Variants in SIGLEC11 observed in about 807,000 individuals in gnomAD.
SIGLEC11 encodes sialic acid binding Ig like lectin 11, also known as sialic acid-binding Ig-like lectin 11.
A neutral mutation model predicts 61.2 loss-of-function variants in SIGLEC11; 47 were observed. That is an observed-to-expected ratio of 0.77 (90% confidence interval 0.61 to 0.98). The LOEUF is 0.98. Among genes scored for constraint, SIGLEC11 ranks in the 50% least tolerant of loss-of-function variants. The pLI is 0.00. For missense variants in SIGLEC11, 610 were observed against 870.3 expected, an observed-to-expected ratio of 0.70 and a Z score of 3.76; for synonymous variants, 278 against 373.1, an observed-to-expected ratio of 0.75 and a Z score of 2.94.
In SIGLEC11 at chr19:49,949,634, G is replaced by C. The variant is rs1445495754; in HGVS notation, c.*336C>G. On this transcript the variant is annotated 3_prime_UTR_variant, in exon 11 of 11. Transcript: ENST00000447370. ...AGGCGGGCAGATTGCTTGAGCCCAG[G>C]AGTCTGAGACCAGCCAGGGAAACAT... The C allele has an allele frequency of 5.9e-6, 1 of 168,468 alleles. No homozygotes were observed. Among genetic ancestry groups the C allele is most frequent in the Non-Finnish European group, 1.3e-5 (1 of 79,168 alleles). The allele number at this position is 168,468 out of a possible 1,614,324, so 10.4% of individuals were successfully genotyped here. A position where few individuals can be genotyped will look rare whatever the true frequency, so the allele number is the denominator to read the frequency against.
In SIGLEC11 at chr19:49,955,940, A is replaced by C. The variant is rs1278975989; in HGVS notation, c.1651+2343T>G. On this transcript the variant is annotated intron_variant, in intron 8 of 10. Transcript: ENST00000447370. This position sits in a 1 kb window ranked among gnomAD's most constrained non-coding sequence, Gnocchi z 4.5. ...ACAGAGCGAGACTCCGTCTCAAAAA[A>C]AAAAAAAAAAAGAACTTGTACTTAT... Among the ~76,000 whole-genome samples the C allele has an allele frequency of 6.6e-6, 1 of 151,860 alleles. No individual in the cohort carries two copies. The highest frequency in any genetic ancestry group is 2.4e-5 in the African/African-American group (1 of 41,330).
rs758535718 is a variant in SIGLEC11, at chr19:49,958,533, C to T, written c.1401G>A (p.Glu467=). 2.8e-5 allele frequency: 45 copies of T among 1,590,594 alleles called. No individual in the cohort carries two copies. In the Admixed American group the frequency reaches 4.3e-4, roughly 15 times the overall value. ...PQLLGPSCSW[E]AEGLHCSCSS... ...AGCAGCTGCAGTGCAGACCCTCAGC[C>T]TCCCAGGAGCAGGAGGGGCCCAGCA... Residue 467 remains glutamate, a synonymous_variant, in exon 8 of 11, where the codon GAG becomes GAA. Transcript: ENST00000447370.
chr19:49,953,272 C>G (rs1418799309), intron 8 of SIGLEC11, among the ~76,000 whole-genome samples: 1 of 152,154 alleles, frequency 6.6e-6, no homozygotes, highest in Admixed American at 6.5e-5. Flanking sequence ...ACGTCAGGAA[C>G]CACAGTAACC....
At position 49,950,249 on chromosome 19, in the gene SIGLEC11, G is replaced by T. The variant is rs1379009785; in HGVS notation, c.1831-13C>A. ...CATGCTGGTGACCCTGAATGCAGGG[G>T]AGAAAGGGGGTCAAATTAGGGTCAT... is the stretch of plus-strand genomic sequence containing the variant. On this transcript the variant is annotated splice_polypyrimidine_tract_variant and intron_variant, in intron 10 of 10. Coordinates refer to ENST00000447370, the MANE Select transcript of SIGLEC11 (RefSeq NM_052884.3). 1 of 1,548,940 alleles carries T rather than the reference G, an allele frequency of 6.5e-7. No individual in the cohort carries two copies. The highest frequency in any genetic ancestry group is 8.7e-7 in the Non-Finnish European group (1 of 1,149,228).
intron 8 of SIGLEC11, among the ~76,000 whole-genome samples, chr19:49,954,456 T>C (rs2122890092): frequency 6.6e-6 from 1 of 152,206 alleles, no homozygotes; most frequent in African/African-American, 2.4e-5. Flanking sequence ...GCTATGCAAA[T>C]GCCTGCTCGA....
chr19:49,958,696 T>C lies in SIGLEC11; in HGVS notation c.1310A>G (p.His437Arg). The change falls in exon 7 of 11, where the codon CAC becomes CGC. Residue 437 changes from histidine (H) to arginine (R), a missense_variant. Transcript: ENST00000447370. ...CTGGGAGCCCAGAGGGTGCTGAGCGTGGCAGGTGAACTCTCCTTCGTGCTC... is the reference window on the plus strand; with the variant it reads ...CTGGGAGCCCAGAGGGTGCTGAGCGCGGCAGGTGAACTCTCCTTCGTGCTC... ...QMEHEGEFTC[H>R]AQHPLGSQHV... The C allele has an allele frequency of 1.9e-6, 3 of 1,612,070 alleles. No homozygotes were observed. Among genetic ancestry groups the C allele is most frequent in the Non-Finnish European group, 2.5e-6 (3 of 1,178,802 alleles).
At chr19:49,957,243 C>G (rs942441058) in intron 8 of SIGLEC11, among the ~76,000 whole-genome samples, 1 of 152,166 alleles carries the variant, frequency 6.6e-6, no homozygotes, top group African/African-American at 2.4e-5. Context: ...AAAAAAGTGT[C>G]TCTTCATGCA....
In SIGLEC11 at chr19:49,955,236, C is replaced by T. The variant is rs2076187374; in HGVS notation, c.1652-2842G>A. On this transcript the variant is annotated intron_variant, in intron 8 of 10. Transcript: ENST00000447370. The surrounding 1 kb of genome is among the most constrained non-coding windows in gnomAD (Gnocchi z 4.5). Reference sequence around the variant, plus strand: ...GCGAGGCACCAAGCAGCTAGGCACACCAAGGGTTTAGTCCCTCTCCTCAGC... The same window carrying T: ...GCGAGGCACCAAGCAGCTAGGCACATCAAGGGTTTAGTCCCTCTCCTCAGC... Among the ~76,000 whole-genome samples, 1 of 150,694 alleles carries T rather than the reference C, an allele frequency of 6.6e-6. No individual in the cohort carries two copies. The highest frequency in any genetic ancestry group is 1.5e-5 in the Non-Finnish European group (1 of 67,852).
At chr19:49,960,531 G>A (rs755621849) in intron 2 of SIGLEC11, 21 bp downstream of exon 2, 1 of 1,595,484 alleles carries the variant, frequency 6.3e-7, no homozygotes, top group Non-Finnish European at 8.5e-7. Flanking sequence ...GACAGGCAGG[G>A]GTTCCCACCC....
chr19:49,957,675 G>A (rs1048308397), intron 8 of SIGLEC11, among the ~76,000 whole-genome samples: 6 of 152,134 alleles, frequency 3.9e-5, no homozygotes, highest in African/African-American at 7.2e-5. Flanking sequence ...ATAATTAACC[G>A]CTTTTGTTTT....
At chr19:49,956,269 GT>G (rs772406732) in intron 8 of SIGLEC11, among the ~76,000 whole-genome samples, 29 of 152,300 alleles carry the variant, frequency 1.9e-4, no homozygotes, top group Admixed American at 5.9e-4. Flanking sequence ...TACAAACCCA[GT>G]AAAAGAACTA....
chr19:49,957,694 A>T (rs2076206973), intron 8 of SIGLEC11, among the ~76,000 whole-genome samples: 1 of 152,218 alleles, frequency 6.6e-6, no homozygotes. Flanking sequence ...TTACTTTTGT[A>T]AGTCCGCTTA....
intron 8 of SIGLEC11, among the ~76,000 whole-genome samples, chr19:49,953,694 T>G (rs528169022): frequency 6.6e-6 from 1 of 152,210 alleles, no homozygotes; most frequent in South Asian, 2.1e-4. Flanking sequence ...GCCCTACAGC[T>G]CAGAGTTGTA....
At chr19:49,958,921 A>G (rs1350386509) in intron 6 of SIGLEC11, 21 bp from the exon 7 acceptor site, 14 of 1,604,614 alleles carry the variant, frequency 8.7e-6, no homozygotes, top group Non-Finnish European at 9.4e-6. Flanking sequence ...AAGAGGCAGA[A>G]TCGACGTGCA....
Position 49,949,931 on chromosome 19 carries a change from CCACA to C in SIGLEC11, c.*35_*38del, listed in dbSNP as rs1454327098. 7.2e-7 allele frequency: 1 copy of C among 1,395,604 alleles called. No individual in the cohort carries two copies. The highest frequency in any genetic ancestry group is 9.4e-7 in the Non-Finnish European group (1 of 1,065,416). 86.5% of individuals were successfully genotyped at this position (1,395,604 alleles called of 1,614,324 possible). A position where few individuals can be genotyped will look rare whatever the true frequency, so the allele number is the denominator to read the frequency against. Reference sequence around the variant, plus strand: ...TCTGGCCGTCACACCAGTGCGACTCCCACACACTTGCTGGTGTCCTGTTGCCATG... The same window carrying C: ...TCTGGCCGTCACACCAGTGCGACTCCCACTTGCTGGTGTCCTGTTGCCATG... On this transcript the variant is annotated 3_prime_UTR_variant, in exon 11 of 11. Coordinates refer to ENST00000447370, the MANE Select transcript of SIGLEC11 (RefSeq NM_052884.3).
intron 8 of SIGLEC11, among the ~76,000 whole-genome samples, chr19:49,952,797 T>C (rs1421067206): frequency 1.3e-5 from 2 of 152,200 alleles, no homozygotes; most frequent in African/African-American, 4.8e-5. Flanking sequence ...TTCTTTTTTT[T>C]TCCTTTTGAT....
At chr19:49,953,236 C>A (rs2076171566) in intron 8 of SIGLEC11, among the ~76,000 whole-genome samples, 1 of 152,156 alleles carries the variant, frequency 6.6e-6, no homozygotes, top group African/African-American at 2.4e-5. Context: ...CTGAAAGGAG[C>A]TACAGAATGA....
intron 8 of SIGLEC11, among the ~76,000 whole-genome samples, chr19:49,957,902 A>T (rs942357991): frequency 3.9e-5 from 6 of 152,034 alleles, no homozygotes; most frequent in Admixed American, 3.9e-4. Flanking sequence ...GAGGCAGGAG[A>T]ATTGCTTGAA....
intron 2 of SIGLEC11, 39 bp downstream of exon 2, chr19:49,960,513 C>A (rs766339904): frequency 6.3e-7 from 1 of 1,590,422 alleles, no homozygotes; most frequent in Non-Finnish European, 8.5e-7. Flanking sequence ...AGGGTCCCTC[C>A]CCAGTGTGAC....
Sources: allele counts gnomAD v4.1 joint callset (sites outside exome capture counted in the v4.1 genomes callset), GRCh38; gene constraint gnomAD v4.1.1; non-coding constraint Gnocchi (gnomAD v3.1); transcripts MANE v1.5; gene names NCBI Gene and HGNC (gene_info 2026-07-23, HGNC 2026-07-21).